The following KTN1 variants were observed in gnomAD, a reference collection of about 807,000 sequenced individuals.
KTN1 encodes the protein kinectin 1.
Under a neutral mutation model 222.5 loss-of-function variants are expected in KTN1, and 130 were observed. The ratio of observed to expected loss-of-function variants is 0.58; its 90% CI spans 0.51 to 0.68. KTN1 has a LOEUF of 0.68. Ranked by LOEUF, KTN1 falls within the 30% of genes least tolerant of loss-of-function variation. KTN1 has a pLI of 0.00. For missense variants in KTN1, 1,508 were observed against 1,500.4 expected (o/e 1.01, Z -0.08); for synonymous variants, 512 against 496.3 (o/e 1.03, Z -0.42).
intron 18 of KTN1, among the ~76,000 whole-genome samples, chr14:55,646,169 C>CT (rs1415018567): frequency 6.6e-6 from 1 of 152,136 alleles, no homozygotes; most frequent in African/African-American, 2.4e-5. Context: ...GGGGACTCAT[C>CT]TTACATGTCA....
chr14:55,644,507 G>C, intron 18 of KTN1: 1 of 658,520 alleles, frequency 1.5e-6, no homozygotes, highest in Non-Finnish European at 2.8e-6. Flanking sequence ...CTTGCAGATG[G>C]TCAGATAATG....
intron 37 of KTN1, 101 bp from the exon 38 acceptor site, chr14:55,672,529 A>C (rs1307643603): frequency 2.3e-5 from 16 of 686,888 alleles, no homozygotes; most frequent in East Asian, 1.6e-4. Flanking sequence ...GATGCATTTC[A>C]AAACCTTGGA....
intron 1 of KTN1, among the ~76,000 whole-genome samples, chr14:55,606,291 A>T (rs2036713348): frequency 6.6e-6 from 1 of 152,126 alleles, no homozygotes; most frequent in African/African-American, 2.4e-5. Flanking sequence ...AATTTTTATG[A>T]AATTATGCAT....
At chr14:55,582,150 A>G in intron 1 of KTN1, among the ~76,000 whole-genome samples, 1 of 152,328 alleles carries the variant, frequency 6.6e-6, no homozygotes, top group African/African-American at 2.4e-5. Flanking sequence ...CTTGAAAATT[A>G]TAAAGAATAT....
In KTN1 at chr14:55,628,040, C is replaced by G; in HGVS notation, c.1080+12C>G. 1 of 1,504,314 alleles carries G rather than the reference C, an allele frequency of 6.6e-7. No individual in the cohort carries two copies. Among genetic ancestry groups the G allele is most frequent in the Non-Finnish European group, 9.3e-7 (1 of 1,080,860 alleles). 93.2% of individuals were successfully genotyped at this position (1,504,314 alleles called of 1,614,324 possible). On this transcript the variant is annotated intron_variant, in intron 6 of 43. Coordinates refer to ENST00000395314, the MANE Select transcript of KTN1 (RefSeq NM_001079521.2). ...AGCAGTTAACCCAGGTGAAGACATTCTTATGTACGAGGGATATACTTCCCA... is the reference window on the plus strand; with the variant it reads ...AGCAGTTAACCCAGGTGAAGACATTGTTATGTACGAGGGATATACTTCCCA...
intron 18 of KTN1, among the ~76,000 whole-genome samples, chr14:55,644,876 G>A (rs1361430679): frequency 6.6e-6 from 1 of 152,052 alleles, no homozygotes; most frequent in African/African-American, 2.4e-5. Context: ...TAGAGTATTT[G>A]ATGAGCTGCA....
chr14:55,595,125 T>A (rs1301572961), intron 1 of KTN1, among the ~76,000 whole-genome samples: 1 of 152,218 alleles, frequency 6.6e-6, no homozygotes, highest in African/African-American at 2.4e-5. Context: ...ACACGAAGCA[T>A]ATCTAGGTTC....
At chr14:55,675,651 G>C (rs1323509012) in intron 40 of KTN1, 184 bp from the exon 41 acceptor site, 1 of 432,728 alleles carries the variant, frequency 2.3e-6, no homozygotes, top group African/African-American at 2.0e-5. Flanking sequence ...CTTTTCTTAT[G>C]TTTAGCTTTA....
intron 1 of KTN1, among the ~76,000 whole-genome samples, chr14:55,584,486 G>A (rs1051029856): frequency 6.6e-6 from 1 of 152,170 alleles, no homozygotes; most frequent in Admixed American, 6.5e-5. Flanking sequence ...AAACAGAGCT[G>A]TTTTTTACAC....
chr14:55,653,652 A>C lies in KTN1; in HGVS notation c.2801+56A>C. The C allele has an allele frequency of 6.0e-6, 8 of 1,332,396 alleles. No homozygotes were observed. In the South Asian group the frequency reaches 7.3e-5, roughly 12 times the overall value. 82.5% of individuals were successfully genotyped at this position (1,332,396 alleles called of 1,614,324 possible). A position where few individuals can be genotyped will look rare whatever the true frequency, so the allele number is the denominator to read the frequency against. ...AGAAACAAACGTCTCATTATTTTCC[A>C]GGGTGTGCTTGAATATAATGATGAG... On this transcript the variant is annotated intron_variant, in intron 28 of 43. Coordinates refer to ENST00000395314, the MANE Select transcript of KTN1 (RefSeq NM_001079521.2).
At chr14:55,628,179 C>T (rs2040087713) in intron 6 of KTN1, 151 bp downstream of exon 6, 1 of 591,946 alleles carries the variant, frequency 1.7e-6, no homozygotes, top group Non-Finnish European at 3.0e-6. Flanking sequence ...GTAGATAGAG[C>T]TGTCTCTCTC....
At chr14:55,632,258 G>A (rs538145658) in intron 7 of KTN1, among the ~76,000 whole-genome samples, 3 of 152,272 alleles carry the variant, frequency 2.0e-5, no homozygotes, top group African/African-American at 7.2e-5. Context: ...GAAGGTGAAA[G>A]GTATTTAAGT....
At chr14:55,603,064 G>C (rs982303456) in intron 1 of KTN1, among the ~76,000 whole-genome samples, 1 of 152,066 alleles carries the variant, frequency 6.6e-6, no homozygotes, top group Non-Finnish European at 1.5e-5. Context: ...TACCATCTAA[G>C]GCCAGTCACT....
intron 28 of KTN1, among the ~76,000 whole-genome samples, chr14:55,654,959 TG>T (rs1333143659): frequency 6.6e-6 from 1 of 152,162 alleles, no homozygotes; most frequent in East Asian, 1.9e-4. Context: ...ATACAGTATA[TG>T]GCTTTTCTGG....
intron 20 of KTN1, 41 bp from the exon 21 acceptor site, chr14:55,648,760 CA>C (rs759624739): frequency 7.7e-7 from 1 of 1,300,558 alleles, no homozygotes; most frequent in South Asian, 1.2e-5. Context: ...CTATATTTTT[CA>C]GAGAGTAAAA....
intron 1 of KTN1, 54 bp from the exon 2 acceptor site, chr14:55,611,965 A>G (rs2037641952): frequency 3.6e-6 from 3 of 824,058 alleles, no homozygotes; most frequent in Non-Finnish European, 1.8e-6. Context: ...TTTAATTTTT[A>G]TGAGACTGAC....
At chr14:55,606,000 A>G (rs1017624874) in intron 1 of KTN1, among the ~76,000 whole-genome samples, 1 of 152,214 alleles carries the variant, frequency 6.6e-6, no homozygotes, top group Non-Finnish European at 1.5e-5. Flanking sequence ...AGAAAGGTAA[A>G]CATGGTATGA....
chr14:55,604,236 C>T, intron 1 of KTN1, among the ~76,000 whole-genome samples: 1 of 152,166 alleles, frequency 6.6e-6, no homozygotes, highest in East Asian at 1.9e-4. Context: ...TGCTCTTGCT[C>T]ATATATAGCA....
rs1410984136 is a variant in KTN1, at chr14:55,679,485, A to G, written c.3949-80A>G. 9 of 1,147,954 alleles carry G rather than the reference A, an allele frequency of 7.8e-6. No homozygotes were observed. The East Asian group carries it at 1.9e-4, about 25-fold the overall frequency. 71.1% of individuals were successfully genotyped at this position (1,147,954 alleles called of 1,614,324 possible). ...TTTAATGTTTGTGTTTAAATCAGCA[A>G]TATAACATTTTCTGTTGTTTGGTTT... On this transcript the variant is annotated intron_variant, in intron 42 of 43. Coordinates refer to ENST00000395314, the MANE Select transcript of KTN1 (RefSeq NM_001079521.2).
Sources: allele counts gnomAD v4.1 joint callset (sites outside exome capture counted in the v4.1 genomes callset), GRCh38; gene constraint gnomAD v4.1.1; transcripts MANE v1.5; gene names NCBI Gene and HGNC (gene_info 2026-07-23, HGNC 2026-07-21).